Variants in EFCAB8 observed in about 807,000 individuals in gnomAD.
The protein encoded by EFCAB8 is EF-hand calcium binding domain 8.
Under a neutral mutation model 116.3 loss-of-function variants are expected in EFCAB8, and 100 were observed. That is an observed-to-expected ratio of 0.86 (90% CI 0.73 to 1.02). EFCAB8 has a LOEUF of 1.02. Ranked by LOEUF, EFCAB8 falls within the 50% of genes least tolerant of loss-of-function variation. EFCAB8 has a pLI of 0.00. For synonymous variants in EFCAB8, 558 were observed against 567.9 expected (o/e 0.98, Z 0.25); for missense variants, 1,320 against 1,416.9 (o/e 0.93, Z 1.10).
intron 22 of EFCAB8, among the ~76,000 whole-genome samples, chr20:32,939,059 TTC>T (rs1444040146): frequency 7.2e-6 from 1 of 139,012 alleles, no homozygotes; most frequent in Non-Finnish European, 1.6e-5. Context: ...CTCTCTTTCT[TTC>T]TTTCTCTCTC....
At chr20:32,914,465 G>T (rs767290927) in intron 17 of EFCAB8, among the ~76,000 whole-genome samples, 1 of 152,174 alleles carries the variant, frequency 6.6e-6, no homozygotes, top group Admixed American at 6.5e-5. Context: ...TGTCTTTAAT[G>T]ATTGTATTAG....
chr20:32,922,323 C>T (rs1421531252), intron 20 of EFCAB8, among the ~76,000 whole-genome samples: 1 of 152,164 alleles, frequency 6.6e-6, no homozygotes, highest in Non-Finnish European at 1.5e-5. Flanking sequence ...TTCTTGGAAA[C>T]AGAATTGCCA....
intron 18 of EFCAB8, among the ~76,000 whole-genome samples, 177 bp from the exon 19 acceptor site, chr20:32,918,185 A>T (rs2146257716): frequency 6.6e-6 from 1 of 152,344 alleles, no homozygotes; most frequent in East Asian, 1.9e-4. Context: ...AGGGCATTGC[A>T]GCTGGCCAGG....
intron 1 of EFCAB8, among the ~76,000 whole-genome samples, chr20:32,863,319 T>C (rs978157130): frequency 1.3e-5 from 2 of 152,158 alleles, no homozygotes; most frequent in African/African-American, 4.8e-5. Flanking sequence ...CTGTCTGCTC[T>C]CCCGAAGTCC....
At chr20:32,897,169 T>C (rs559605721) in intron 10 of EFCAB8, among the ~76,000 whole-genome samples, 90 of 152,128 alleles carry the variant, frequency 5.9e-4, no homozygotes, top group African/African-American at 2.0e-3. Context: ...GCAGCCCTCC[T>C]AGGACAACCC....
At chr20:32,876,661 G>A (rs6058924) in intron 4 of EFCAB8, among the ~76,000 whole-genome samples, 62,161 of 151,980 alleles carry the variant, frequency 0.41, 15,128 homozygotes, top group Non-Finnish European at 0.55. Flanking sequence ...CTATGGGGTA[G>A]GTGCTATTAC....
chr20:32,940,463 C>T (rs1367647018), intron 22 of EFCAB8, among the ~76,000 whole-genome samples: 2 of 149,300 alleles, frequency 1.3e-5, no homozygotes, highest in Non-Finnish European at 3.0e-5. Flanking sequence ...AATGTAAGAG[C>T]CAAAATTATA....
chr20:32,915,547 T>C (rs1342535302), intron 17 of EFCAB8, among the ~76,000 whole-genome samples: 2 of 152,236 alleles, frequency 1.3e-5, no homozygotes, highest in African/African-American at 4.8e-5. Context: ...TCTAAGAATA[T>C]TGAGGCTTTC....
intron 3 of EFCAB8, among the ~76,000 whole-genome samples, chr20:32,874,001 A>G (rs1054068813): frequency 1.3e-5 from 2 of 150,670 alleles, no homozygotes; most frequent in Admixed American, 6.6e-5. Context: ...GCTCACTGCA[A>G]CCTCCGCCTC....
At chr20:32,935,039 A>T (rs1988048861) in intron 22 of EFCAB8, among the ~76,000 whole-genome samples, 1 of 151,846 alleles carries the variant, frequency 6.6e-6, no homozygotes, top group Non-Finnish European at 1.5e-5. Flanking sequence ...ATGATATCTC[A>T]TTGTGGTTTA....
At chr20:32,943,563 A>C in intron 22 of EFCAB8, 73 bp from the exon 23 acceptor site, 1 of 416,298 alleles carries the variant, frequency 2.4e-6, no homozygotes. Context: ...TGCTGCCTGC[A>C]GTCCTGGGTG....
At position 32,909,807 on chromosome 20, in the gene EFCAB8, T is replaced by C; in HGVS notation, c.1447-14T>C. ...TCTGACAGACAAGCTCTCTGCCCCTTTCCTCACCTACAGATCGGGATCCTA... is the reference window on the plus strand; with the variant it reads ...TCTGACAGACAAGCTCTCTGCCCCTCTCCTCACCTACAGATCGGGATCCTA... On this transcript the variant is annotated splice_polypyrimidine_tract_variant and intron_variant, in intron 14 of 26. Coordinates refer to ENST00000400522, the MANE Select transcript of EFCAB8 (RefSeq NM_001143967.2). 1 of 1,233,534 alleles carries C rather than the reference T, an allele frequency of 8.1e-7. No homozygotes were observed. Among genetic ancestry groups the C allele is most frequent in the Non-Finnish European group, 1.0e-6 (1 of 973,426 alleles). The allele number at this position is 1,233,534 out of a possible 1,614,324, so 76.4% of individuals were successfully genotyped here. A position where few individuals can be genotyped will look rare whatever the true frequency, so the allele number is the denominator to read the frequency against.
At chr20:32,902,688 G>C (rs1445828638) in intron 11 of EFCAB8, among the ~76,000 whole-genome samples, 1 of 152,190 alleles carries the variant, frequency 6.6e-6, no homozygotes, top group Non-Finnish European at 1.5e-5. Context: ...CCACTTGCTG[G>C]TCTCCCGTTT....
rs571052063 is a variant in EFCAB8 at position 32,905,759 on chromosome 20, C to CAAAAAAAAAAAAAAAAAAAA, written c.1089-789_1089-788insAAAAAAAAAAAAAAAAAAAA. Among the ~76,000 whole-genome samples the CAAAAAAAAAAAAAAAAAAAA allele has an allele frequency of 1.1e-4, 8 of 71,488 alleles. 1 individual carries two copies. Among genetic ancestry groups the CAAAAAAAAAAAAAAAAAAAA allele is most frequent in the Non-Finnish European group, 2.0e-4 (7 of 35,260 alleles). The allele number at this position is 71,488 out of a possible 152,430, so 46.9% of individuals were successfully genotyped here. On this transcript the variant is annotated intron_variant, in intron 11 of 26. Transcript: ENST00000400522. ...TGGGCGACAGAGTGAGACTCCATCT[C>CAAAAAAAAAAAAAAAAAAAA]AAAAAAAAAAAAAAGGACATTCCTT...
chr20:32,930,595 G>A lies in EFCAB8; in HGVS notation c.2610G>A (p.Gly870=). ...TDKNDWILIT[G]DCKGYIKIWD... Reference sequence around the variant, plus strand: ...AAAATGACTGGATCCTCATCACGGGGGATTGTAAAGGATACATCAAGGTGA... The same window carrying A: ...AAAATGACTGGATCCTCATCACGGGAGATTGTAAAGGATACATCAAGGTGA... Residue 870 remains glycine (G), a synonymous_variant, in exon 21 of 27, where the codon GGG becomes GGA. Transcript: ENST00000400522. 4 of 1,552,264 alleles carry A rather than the reference G, an allele frequency of 2.6e-6. No homozygotes were observed. Among genetic ancestry groups the A allele is most frequent in the Non-Finnish European group, 3.5e-6 (4 of 1,147,120 alleles).
intron 6 of EFCAB8, among the ~76,000 whole-genome samples, chr20:32,887,030 G>C (rs1430794741): frequency 6.6e-6 from 1 of 152,122 alleles, no homozygotes; most frequent in Non-Finnish European, 1.5e-5. Context: ...GGAGAGAGGG[G>C]CTTAGGAGGG....
chr20:32,900,733 A>AT (rs1047355146), intron 11 of EFCAB8, among the ~76,000 whole-genome samples: 1 of 151,422 alleles, frequency 6.6e-6, no homozygotes, highest in Non-Finnish European at 1.5e-5. Flanking sequence ...TGCCCGGTTA[A>AT]TTTTTTTTCA....
intron 7 of EFCAB8, among the ~76,000 whole-genome samples, chr20:32,891,876 T>G (rs1422516445): frequency 6.6e-6 from 1 of 151,798 alleles, no homozygotes; most frequent in Non-Finnish European, 1.5e-5. Flanking sequence ...TCACCCAGGC[T>G]GTAGTGCAGT....
rs989635934 is a variant in EFCAB8, at chr20:32,959,704, C to T, written c.3090-74C>T. On this transcript the variant is annotated intron_variant, in intron 24 of 26. Coordinates refer to ENST00000400522, the MANE Select transcript of EFCAB8 (RefSeq NM_001143967.2). ...AGGATCAGGCCAGGAAGGGGAGAGG[C>T]TTTCAGGGTTTCTGGGAGGGTCACC... The T allele has an allele frequency of 3.5e-6, 4 of 1,148,328 alleles. No individual in the cohort carries two copies. The East Asian group carries it at 7.8e-5, about 22-fold the overall frequency. The allele number at this position is 1,148,328 out of a possible 1,614,324, so 71.1% of individuals were successfully genotyped here. A position where few individuals can be genotyped will look rare whatever the true frequency, so the allele number is the denominator to read the frequency against.
Sources: allele counts gnomAD v4.1 joint callset (sites outside exome capture counted in the v4.1 genomes callset), GRCh38; gene constraint gnomAD v4.1.1; transcripts MANE v1.5; gene names NCBI Gene and HGNC (gene_info 2026-07-23, HGNC 2026-07-21).